The following EFR3B variants were observed in gnomAD, a reference collection of about 807,000 sequenced individuals.
EFR3B encodes the protein protein EFR3 homolog B.
A neutral mutation model predicts 104.7 loss-of-function variants in EFR3B; 64 were observed. The ratio of observed to expected loss-of-function variants is 0.61; its 90% CI spans 0.50 to 0.75. The LOEUF (loss-of-function observed/expected upper bound fraction) is 0.75. Among genes scored for constraint, EFR3B ranks in the 30% least tolerant of loss-of-function variants. The pLI, the probability that EFR3B is intolerant of heterozygous loss-of-function variation, is 0.00. For missense variants in EFR3B, 750 were observed against 1,078.5 expected (o/e 0.70, Z 4.27); for synonymous variants, 385 against 417.9 (o/e 0.92, Z 0.96).
At chr2:25,099,492 C>A (rs548259878) in intron 3 of EFR3B, among the ~76,000 whole-genome samples, 14 of 151,344 alleles carry the variant, frequency 9.3e-5, no homozygotes, top group Non-Finnish European at 1.9e-4. Flanking sequence ...TATTTAATAT[C>A]ATTAAAGAAT....
rs984847564 is a variant in EFR3B, at chr2:25,159,117, A to T, written c.*4777A>T. On this transcript the variant is annotated 3_prime_UTR_variant, in exon 23 of 23. Coordinates refer to ENST00000403714, the MANE Select transcript of EFR3B (RefSeq NM_014971.2). ...GCCATCACGATGCCCTTTTCAAATA[A>T]ATGTTAATGTTGTCACCACATGGCT... 3.9e-5 allele frequency: 6 copies of T among 152,232 alleles called. No individual in the cohort carries two copies. The highest frequency in any genetic ancestry group is 7.3e-5 in the Non-Finnish European group (5 of 68,042). The allele number at this position is 152,232 out of a possible 1,614,324, so 9.4% of individuals were successfully genotyped here.
rs2149216057 is a variant in EFR3B, at chr2:25,154,366, G to A, written c.*26G>A. On this transcript the variant is annotated 3_prime_UTR_variant, in exon 23 of 23. Coordinates refer to ENST00000403714, the MANE Select transcript of EFR3B (RefSeq NM_014971.2). The surrounding 1 kb of genome is among the most constrained non-coding windows in gnomAD (Gnocchi z 4.1). Reference sequence around the variant, plus strand: ...ATTCCAAGAGCCTGAGCTCCTCAAGGAGATGGGGTCTGAGGAGGGGCTCAC... The same window carrying A: ...ATTCCAAGAGCCTGAGCTCCTCAAGAAGATGGGGTCTGAGGAGGGGCTCAC... 4.5e-6 allele frequency: 7 copies of A among 1,545,280 alleles called. No individual in the cohort carries two copies. The East Asian group carries it at 1.7e-4, about 38-fold the overall frequency.
chr2:25,136,849 G>C lies in EFR3B; in HGVS notation c.1560+251G>C, dbSNP rs1189721443. On this transcript the variant is annotated intron_variant, in intron 14 of 22. Coordinates refer to ENST00000403714, the MANE Select transcript of EFR3B (RefSeq NM_014971.2). This position sits in a 1 kb window ranked among gnomAD's most constrained non-coding sequence, Gnocchi z 4.0. ...GAGAATCGCTTGAACCCAGAAGGTGGAGGTTGCAGTGAACCGAGATTGTGC... is the reference window on the plus strand; with the variant it reads ...GAGAATCGCTTGAACCCAGAAGGTGCAGGTTGCAGTGAACCGAGATTGTGC... 6.6e-6 allele frequency among the ~76,000 whole-genome samples: 1 copy of C among 152,182 alleles called. No homozygotes were observed. The highest frequency in any genetic ancestry group is 1.5e-5 in the Non-Finnish European group (1 of 68,036).
At chr2:25,067,542 C>A (rs1438863800) in intron 1 of EFR3B, among the ~76,000 whole-genome samples, 1 of 151,590 alleles carries the variant, frequency 6.6e-6, no homozygotes, top group Non-Finnish European at 1.5e-5. Flanking sequence ...TCAAGCAATT[C>A]TCCTGCCTGA....
chr2:25,133,240 TTCCTGGGTCCGGAAGTCACTG>T (rs1670429253), intron 11 of EFR3B, 122 bp from the exon 12 acceptor site: 1 of 994,552 alleles, frequency 1.0e-6, no homozygotes, highest in Admixed American at 2.1e-5. Context: ...CTTGGTCGGC[TTCCTGGGTCCGGAAGTCACTG>T]TCCTGGGTAA....
At chr2:25,096,921 A>G (rs77296890) in intron 3 of EFR3B, among the ~76,000 whole-genome samples, 1 of 152,298 alleles carries the variant, frequency 6.6e-6, no homozygotes, top group Non-Finnish European at 1.5e-5. Flanking sequence ...CATTTTATAT[A>G]ATAAAATGAG....
At chr2:25,151,182 G>A (rs1340457586) in intron 20 of EFR3B, among the ~76,000 whole-genome samples, 4 of 151,968 alleles carry the variant, frequency 2.6e-5, no homozygotes, top group Non-Finnish European at 5.9e-5. Flanking sequence ...AAATGGCCTC[G>A]GGCTGCCCTG....
chr2:25,129,715 G>C (rs1053562923), intron 6 of EFR3B, among the ~76,000 whole-genome samples: 1 of 152,186 alleles, frequency 6.6e-6, no homozygotes, highest in African/African-American at 2.4e-5. Context: ...CCTTCCCACA[G>C]TGGTACATCT....
intron 3 of EFR3B, among the ~76,000 whole-genome samples, chr2:25,100,389 C>T (rs908949862): frequency 3.3e-5 from 5 of 152,206 alleles, no homozygotes; most frequent in African/African-American, 1.2e-4. Context: ...TTGCTGCGAT[C>T]TTGTAAGAGA....
At chr2:25,143,999 G>A (rs1378193321) in intron 18 of EFR3B, 137 bp downstream of exon 18, 10 of 1,264,050 alleles carry the variant, frequency 7.9e-6, no homozygotes, top group Non-Finnish European at 1.1e-5. Flanking sequence ...AAGACACAGT[G>A]GAAATTTATG....
chr2:25,124,023 T>C (rs1670093295), intron 5 of EFR3B, among the ~76,000 whole-genome samples: 1 of 152,070 alleles, frequency 6.6e-6, no homozygotes. Context: ...GGAGGGATCT[T>C]CTGGTGTCAA....
At chr2:25,111,995 A>G (rs972672579) in intron 4 of EFR3B, among the ~76,000 whole-genome samples, 4 of 152,264 alleles carry the variant, frequency 2.6e-5, no homozygotes, top group Non-Finnish European at 5.9e-5. Flanking sequence ...ACAGGAAGCC[A>G]AGACAGTGTC....
At chr2:25,059,107 A>G (rs893189467) in intron 1 of EFR3B, among the ~76,000 whole-genome samples, 82 of 150,700 alleles carry the variant, frequency 5.4e-4, no homozygotes, top group Non-Finnish European at 1.0e-3. Context: ...AATATTATTC[A>G]GTGTTGATTT....
Position 25,137,445 on chromosome 2 carries a change from C to T in EFR3B, c.1665C>T (p.Ile555=), listed in dbSNP as rs2304568. The stretch of plus-strand genomic sequence containing the variant: ...ATGGCTTGCTGGCCCTCATCAGCAT[C>T]GAGCTGGCTAACGAGGAGGTGGTGG... ...ALYGLLALIS[I]ELANEEVVVD... Residue 555 remains isoleucine, a synonymous_variant, in exon 15 of 23, where the codon ATC becomes ATT. Coordinates refer to ENST00000403714, the MANE Select transcript of EFR3B (RefSeq NM_014971.2). The surrounding 1 kb of genome is among the most constrained non-coding windows in gnomAD (Gnocchi z 4.7). 6.0e-4 allele frequency: 925 copies of T among 1,551,720 alleles called. 8 individuals are homozygous for T. The East Asian group carries it at 0.019, about 31-fold the overall frequency.
chr2:25,121,421 T>G (rs1251417561), intron 4 of EFR3B, among the ~76,000 whole-genome samples: 1 of 152,196 alleles, frequency 6.6e-6, no homozygotes, highest in Non-Finnish European at 1.5e-5. Context: ...TCATGTTCCC[T>G]TCTCTTCTGT....
intron 12 of EFR3B, among the ~76,000 whole-genome samples, chr2:25,133,691 G>A (rs1316905616): frequency 1.1e-4 from 16 of 152,196 alleles, no homozygotes; most frequent in Admixed American, 9.2e-4. Flanking sequence ...TACTGATAGC[G>A]TTGTCACTCA....
intron 21 of EFR3B, among the ~76,000 whole-genome samples, chr2:25,153,077 G>A (rs1671058557): frequency 6.6e-6 from 1 of 152,174 alleles, no homozygotes; most frequent in Non-Finnish European, 1.5e-5. Context: ...GCACAGGCTG[G>A]GCACAGTGGC....
chr2:25,151,819 C>T (rs1259858458), intron 20 of EFR3B, 95 bp from the exon 21 acceptor site: 30 of 1,368,374 alleles, frequency 2.2e-5, no homozygotes, highest in Non-Finnish European at 3.0e-5. Context: ...GAGGGGAGAG[C>T]CCAAGCAATG....
chr2:25,100,370 G>C (rs950359502), intron 3 of EFR3B, among the ~76,000 whole-genome samples: 4 of 152,178 alleles, frequency 2.6e-5, no homozygotes, highest in African/African-American at 9.7e-5. Context: ...AAATCCCGTG[G>C]TGGCAGCTTT....
Sources: allele counts gnomAD v4.1 joint callset (sites outside exome capture counted in the v4.1 genomes callset), GRCh38; gene constraint gnomAD v4.1.1; non-coding constraint Gnocchi (gnomAD v3.1); transcripts MANE v1.5; gene names NCBI Gene and HGNC (gene_info 2026-07-23, HGNC 2026-07-21).